Variants in CDH13 observed in about 807,000 individuals in gnomAD.
CDH13 encodes cadherin-13.
A neutral mutation model predicts 63.8 loss-of-function variants in CDH13; 24 were observed. That is an observed-to-expected ratio of 0.38 (90% confidence interval 0.27 to 0.53). The LOEUF (loss-of-function observed/expected upper bound fraction) is 0.53. CDH13 is among the 20% of genes least tolerant of loss of function. The probability of loss-of-function intolerance (pLI) is 0.85; values close to 1 mark genes in which losing one functional copy is unlikely to be tolerated. For missense variants in CDH13, 1,049 were observed against 903.1 expected (o/e 1.16, Z -2.07); for synonymous variants, 503 against 355.3 (o/e 1.42, Z -4.67).
chr16:83,339,796 C>T (rs1049454052), intron 5 of CDH13, among the ~76,000 whole-genome samples: 5 of 152,158 alleles, frequency 3.3e-5, no homozygotes, highest in Middle Eastern at 3.2e-3. Flanking sequence ...AGCTTTCCAC[C>T]GTGTGAGCAG....
intron 1 of CDH13, among the ~76,000 whole-genome samples, chr16:82,669,235 G>C (rs1912959643): frequency 6.6e-6 from 1 of 152,196 alleles, no homozygotes; most frequent in Non-Finnish European, 1.5e-5. Flanking sequence ...TGAACATTGG[G>C]TCAGCATGTT....
chr16:83,036,507 C>G (rs574816582), intron 3 of CDH13, among the ~76,000 whole-genome samples: 6 of 152,204 alleles, frequency 3.9e-5, no homozygotes, highest in East Asian at 3.9e-4. Context: ...ACAGAGTAAA[C>G]CTGCACAATG....
chr16:83,577,677 G>A (rs571885976), intron 7 of CDH13, among the ~76,000 whole-genome samples: 1 of 152,280 alleles, frequency 6.6e-6, no homozygotes, highest in South Asian at 2.1e-4. Context: ...GGGTAGGAAG[G>A]CCACATCCGT....
intron 3 of CDH13, among the ~76,000 whole-genome samples, chr16:83,062,838 G>C (rs900460882): frequency 1.3e-5 from 2 of 152,252 alleles, no homozygotes; most frequent in East Asian, 3.9e-4. Context: ...AGCTAGGCTG[G>C]AAAATCCAAG....
At chr16:83,324,876 C>T (rs2090324227) in intron 5 of CDH13, among the ~76,000 whole-genome samples, 1 of 152,182 alleles carries the variant, frequency 6.6e-6, no homozygotes, top group South Asian at 2.1e-4. Context: ...GGAAAGAGAT[C>T]AAAATGCTTA....
intron 7 of CDH13, among the ~76,000 whole-genome samples, chr16:83,507,433 G>C (rs2074427219): frequency 6.6e-6 from 1 of 152,146 alleles, no homozygotes; most frequent in African/African-American, 2.4e-5. Flanking sequence ...AAGCATATTT[G>C]GCTAGAAAGA....
Position 83,099,482 on chromosome 16 carries a change from C to T in CDH13, c.367-25903C>T, listed in dbSNP as rs544107878. Among the ~76,000 whole-genome samples, 129 of 151,616 alleles carry T rather than the reference C, an allele frequency of 8.5e-4. 1 individual carries two copies. The highest frequency in any genetic ancestry group is 2.8e-3 in the African/African-American group (114 of 41,382). Reference sequence around the variant, plus strand: ...GGGATTACAGGCACCTGGCACCATGCCTGGCTAATTTTTGCATTTTTAGTA... The same window carrying T: ...GGGATTACAGGCACCTGGCACCATGTCTGGCTAATTTTTGCATTTTTAGTA... On this transcript the variant is annotated intron_variant, in intron 3 of 13. Transcript: ENST00000567109.
At chr16:83,045,811 T>C (rs920011448) in intron 3 of CDH13, among the ~76,000 whole-genome samples, 1 of 152,224 alleles carries the variant, frequency 6.6e-6, no homozygotes, top group African/African-American at 2.4e-5. Context: ...TACCATTTAT[T>C]CAGTCTTTTT....
At chr16:83,792,668 T>C (rs554066500) in intron 13 of CDH13, among the ~76,000 whole-genome samples, 192 of 152,312 alleles carry the variant, frequency 1.3e-3, no homozygotes, top group South Asian at 6.8e-3. Context: ...TCAGTAGTGC[T>C]GAGGCTGAGA....
At chr16:83,101,088 C>G (rs1018192223) in intron 3 of CDH13, among the ~76,000 whole-genome samples, 8 of 151,956 alleles carry the variant, frequency 5.3e-5, no homozygotes, top group African/African-American at 1.5e-4. Context: ...AGACACTGGT[C>G]TAGGCACAGG....
intron 2 of CDH13, among the ~76,000 whole-genome samples, chr16:82,915,675 G>T (rs949848805): frequency 1.3e-5 from 2 of 151,924 alleles, no homozygotes; most frequent in Non-Finnish European, 2.9e-5. Flanking sequence ...TGCAGGTGAC[G>T]TTTGTGAAAG....
intron 1 of CDH13, among the ~76,000 whole-genome samples, chr16:82,718,093 G>A (rs773862421): frequency 1.2e-4 from 19 of 152,312 alleles, no homozygotes; most frequent in Non-Finnish European, 2.6e-4. Flanking sequence ...AACCGGTAAG[G>A]CAGTGGGGGA....
At chr16:82,755,319 C>G (rs1250278860) in intron 1 of CDH13, among the ~76,000 whole-genome samples, 1 of 152,088 alleles carries the variant, frequency 6.6e-6, no homozygotes, top group Non-Finnish European at 1.5e-5. Context: ...CTTTCTGACC[C>G]TCTAGTTATA....
At chr16:82,869,931 C>A (rs2040286559) in intron 2 of CDH13, among the ~76,000 whole-genome samples, 1 of 152,080 alleles carries the variant, frequency 6.6e-6, no homozygotes, top group Non-Finnish European at 1.5e-5. Context: ...GCAAAGATTT[C>A]TTAAGACCTG....
At chr16:82,720,419 A>G (rs1287510492) in intron 1 of CDH13, among the ~76,000 whole-genome samples, 2 of 152,284 alleles carry the variant, frequency 1.3e-5, no homozygotes, top group East Asian at 3.9e-4. Flanking sequence ...AGTCTATAAT[A>G]GTTTAGGGTC....
intron 2 of CDH13, among the ~76,000 whole-genome samples, chr16:83,031,708 C>T (rs1206971309): frequency 2.0e-5 from 3 of 152,122 alleles, no homozygotes; most frequent in Non-Finnish European, 4.4e-5. Flanking sequence ...GATCACTTCC[C>T]TCAAATGTCA....
chr16:83,683,846 C>G (rs1177063539), intron 10 of CDH13, among the ~76,000 whole-genome samples: 1 of 152,144 alleles, frequency 6.6e-6, no homozygotes, highest in Non-Finnish European at 1.5e-5. Context: ...TCCATCATTT[C>G]TAAATTGATG....
chr16:83,379,079 A>C (rs2091509577), intron 6 of CDH13, among the ~76,000 whole-genome samples: 1 of 151,852 alleles, frequency 6.6e-6, no homozygotes. Context: ...CATGATTTTT[A>C]TTTTAATTAG....
At chr16:83,153,038 C>G (rs1434297787) in intron 4 of CDH13, among the ~76,000 whole-genome samples, 1 of 152,170 alleles carries the variant, frequency 6.6e-6, no homozygotes, top group Non-Finnish European at 1.5e-5. Context: ...CTGCTGCCTA[C>G]CCAGAGCCAA....
Sources: gnomAD v4.1 joint callset for allele counts (sites outside exome capture counted in the v4.1 genomes callset) on GRCh38, gnomAD v4.1.1 for gene constraint, MANE v1.5 for transcripts, NCBI Gene and HGNC (gene_info 2026-07-23, HGNC 2026-07-21) for gene names.